MBD3L1: variants seen among roughly 807,000 people sequenced by gnomAD.
MBD3L1 encodes methyl-CpG-binding domain protein 3-like 1.
For synonymous variants in MBD3L1, 84 were observed against 85.1 expected, an observed-to-expected ratio of 0.99 and a Z score of 0.07; for missense variants, 203 against 230.1, an observed-to-expected ratio of 0.88 and a Z score of 0.76.
intron 1 of MBD3L1, among the ~76,000 whole-genome samples, chr19:8,837,091 C>T (rs901440809): frequency 6.6e-6 from 1 of 152,100 alleles, no homozygotes; most frequent in Non-Finnish European, 1.5e-5. Flanking sequence ...TTTTAAATGG[C>T]CAGTTTGTCA....
intron 1 of MBD3L1, among the ~76,000 whole-genome samples, chr19:8,838,258 A>AAAAAAAAAAAAAAAT (rs2044475569): frequency 7.5e-6 from 1 of 132,582 alleles, no homozygotes; most frequent in Non-Finnish European, 1.6e-5. Flanking sequence ...ATCTCAAAAA[A>AAAAAAAAAAAAAAAT]AAAAAAAAAA....
chr19:8,842,783 C>A lies in MBD3L1; in HGVS notation c.105C>A (p.Phe35Leu). The change falls in exon 3 of 3, where the codon TTC becomes TTA. Residue 35 changes from phenylalanine (F) to leucine (L), a missense_variant. Coordinates refer to ENST00000595891, the MANE Select transcript of MBD3L1 (RefSeq NM_001393532.1). ...CTTTGAGAATGTCCAGTTACACATTCAAGAGGCCAGTAACGAGAATTACAC... is the reference window on the plus strand; with the variant it reads ...CTTTGAGAATGTCCAGTTACACATTAAAGAGGCCAGTAACGAGAATTACAC... ...SIPLRMSSYT[F>L]KRPVTRITPH... 1 of 1,614,176 alleles carries A rather than the reference C, an allele frequency of 6.2e-7. No homozygotes were observed. The highest frequency in any genetic ancestry group is 8.5e-7 in the Non-Finnish European group (1 of 1,180,022).
intron 1 of MBD3L1, among the ~76,000 whole-genome samples, chr19:8,837,167 G>A (rs1016115088): frequency 6.6e-6 from 1 of 152,152 alleles, no homozygotes. Flanking sequence ...TTTCTCAGCA[G>A]GTACTTGGTA....
intron 1 of MBD3L1, among the ~76,000 whole-genome samples, chr19:8,835,197 G>A (rs1043832892): frequency 9.9e-5 from 15 of 152,012 alleles, no homozygotes; most frequent in Non-Finnish European, 1.9e-4. Context: ...GACCACAGGC[G>A]TTCACCACCA....
intron 1 of MBD3L1, among the ~76,000 whole-genome samples, chr19:8,833,871 C>G (rs2044420353): frequency 6.6e-6 from 1 of 152,056 alleles, no homozygotes; most frequent in Non-Finnish European, 1.5e-5. Context: ...CCTTGTAATC[C>G]CAGGTACTTG....
At chr19:8,832,552 C>A (rs997947997) in intron 1 of MBD3L1, 30 bp downstream of exon 1, 8 of 152,850 alleles carry the variant, frequency 5.2e-5, no homozygotes, top group Admixed American at 2.0e-4. Flanking sequence ...CGGGGCCAGG[C>A]TGTGAGCCGC....
rs1304417151 is a variant in MBD3L1 at position 8,834,356 on chromosome 19, C to A, written c.-107+1834C>A. 2.6e-5 allele frequency among the ~76,000 whole-genome samples: 4 copies of A among 151,540 alleles called. No homozygotes were observed. The East Asian group carries it at 7.8e-4, about 30-fold the overall frequency. ...TGGGCGTGGTGGCTCACGCCTGTAA[C>A]CCCAGCACTTTGGGAGGCTGAGGCA... On this transcript the variant is annotated intron_variant, in intron 1 of 2. Coordinates refer to ENST00000595891, the MANE Select transcript of MBD3L1 (RefSeq NM_001393532.1).
intron 1 of MBD3L1, chr19:8,833,475 G>A (rs1341405306): frequency 6.6e-6 from 1 of 152,170 alleles, no homozygotes; most frequent in Non-Finnish European, 1.5e-5. Context: ...GTGTGGACAT[G>A]TATGTGTGTG....
intron 2 of MBD3L1, among the ~76,000 whole-genome samples, chr19:8,841,421 G>A (rs571709100): frequency 1.1e-3 from 164 of 152,154 alleles, no homozygotes; most frequent in Non-Finnish European, 1.5e-3. Context: ...ACGGAGGTCC[G>A]GAGTAATTCA....
intron 1 of MBD3L1, among the ~76,000 whole-genome samples, chr19:8,835,140 C>T (rs2044441641): frequency 6.6e-6 from 1 of 151,946 alleles, no homozygotes; most frequent in African/African-American, 2.4e-5. Context: ...CATCCTCTGC[C>T]TCCTGGATTC....
chr19:8,839,750 T>C (rs1241934473), intron 1 of MBD3L1, among the ~76,000 whole-genome samples: 3 of 152,086 alleles, frequency 2.0e-5, no homozygotes, highest in Admixed American at 2.0e-4. Context: ...TAGATGTAGA[T>C]GATCTTTTCT....
chr19:8,836,577 G>A (rs1434814822), intron 1 of MBD3L1, among the ~76,000 whole-genome samples: 1 of 151,274 alleles, frequency 6.6e-6, no homozygotes, highest in Admixed American at 6.6e-5. Context: ...TTGCAGCCTC[G>A]ACCTCCTGGG....
intron 1 of MBD3L1, among the ~76,000 whole-genome samples, chr19:8,838,487 T>C (rs971658012): frequency 2.0e-5 from 3 of 152,002 alleles, no homozygotes; most frequent in Admixed American, 2.0e-4. Context: ...CAACCAAGCA[T>C]GCACAGAACA....
chr19:8,834,480 C>T (rs551943165), intron 1 of MBD3L1, among the ~76,000 whole-genome samples: 83 of 151,892 alleles, frequency 5.5e-4, no homozygotes, highest in Non-Finnish European at 3.1e-4. Flanking sequence ...TGGTGGCGGG[C>T]GCCTATAGTC....
At chr19:8,832,736 G>T (rs1394722274) in intron 1 of MBD3L1, among the ~76,000 whole-genome samples, 1 of 151,716 alleles carries the variant, frequency 6.6e-6, no homozygotes, top group Non-Finnish European at 1.5e-5. Flanking sequence ...ATGGTATAAG[G>T]CTTCTAGAGC....
intron 1 of MBD3L1, among the ~76,000 whole-genome samples, chr19:8,837,516 G>A (rs970605482): frequency 1.4e-4 from 22 of 152,140 alleles, no homozygotes; most frequent in East Asian, 7.7e-4. Context: ...TCCAGGGCTC[G>A]ACAACCACTT....
Position 8,834,024 on chromosome 19 carries a change from CA to C in MBD3L1, c.-107+1509del, listed in dbSNP as rs2044423807. Among the ~76,000 whole-genome samples, 3 of 151,632 alleles carry C rather than the reference CA, an allele frequency of 2.0e-5. No individual in the cohort carries two copies. The South Asian group carries it at 6.3e-4, about 32-fold the overall frequency. On this transcript the variant is annotated intron_variant, in intron 1 of 2. Transcript: ENST00000595891. ...CAAAACAAAAACCAAAAACCATAAA[CA>C]AAAAAAGATACTGGTAAGTGCAAAG...
chr19:8,834,391 C>T (rs1314901734), intron 1 of MBD3L1, among the ~76,000 whole-genome samples: 1 of 151,672 alleles, frequency 6.6e-6, no homozygotes, highest in African/African-American at 2.4e-5. Context: ...AGGCAGATCA[C>T]GAGGTCAAGA....
chr19:8,842,514 G>T, intron 2 of MBD3L1, 144 bp from the exon 3 acceptor site: 1 of 604,676 alleles, frequency 1.7e-6, no homozygotes, highest in Non-Finnish European at 2.9e-6. Flanking sequence ...ACTCAAATCT[G>T]CCTGATGATG....
Sources: allele counts gnomAD v4.1 joint callset (sites outside exome capture counted in the v4.1 genomes callset), GRCh38; gene constraint gnomAD v4.1.1; transcripts MANE v1.5; gene names NCBI Gene and HGNC (gene_info 2026-07-23, HGNC 2026-07-21).